The following TAFA2 variants were observed in gnomAD, a reference collection of about 807,000 sequenced individuals.
TAFA2 encodes the protein TAFA chemokine like family member 2.
A neutral mutation model predicts 18.8 loss-of-function variants in TAFA2; 7 were observed. The ratio of observed to expected loss-of-function variants is 0.37; its 90% CI spans 0.21 to 0.70. The LOEUF (loss-of-function observed/expected upper bound fraction) is 0.70, where lower values mean the gene tolerates loss of function less well. Among genes scored for constraint, TAFA2 ranks in the 30% least tolerant of loss-of-function variants. The pLI, the probability that TAFA2 is intolerant of heterozygous loss-of-function variation, is 0.53. For missense variants in TAFA2, 122 were observed against 158.1 expected (o/e 0.77, Z 1.23); for synonymous variants, 60 against 54.2 (o/e 1.11, Z -0.47).
chr12:61,927,518 A>G (rs1877354692), intron 1 of TAFA2, among the ~76,000 whole-genome samples: 1 of 152,166 alleles, frequency 6.6e-6, no homozygotes, highest in African/African-American at 2.4e-5. Flanking sequence ...GAGAAGACAC[A>G]AACAAATGGG....
At chr12:61,838,189 A>C (rs1468321663) in intron 2 of TAFA2, among the ~76,000 whole-genome samples, 2 of 151,968 alleles carry the variant, frequency 1.3e-5, no homozygotes, top group African/African-American at 4.8e-5. Context: ...AGGAGGAAAA[A>C]ATAAAATTGA....
At chr12:61,928,396 C>A (rs1032638519) in intron 1 of TAFA2, among the ~76,000 whole-genome samples, 1 of 151,818 alleles carries the variant, frequency 6.6e-6, no homozygotes, top group Non-Finnish European at 1.5e-5. Context: ...GTTTATGTGG[C>A]CAAAAAATGT....
chr12:61,949,786 T>G (rs956530409), intron 1 of TAFA2, among the ~76,000 whole-genome samples: 6 of 152,200 alleles, frequency 3.9e-5, no homozygotes, highest in African/African-American at 1.4e-4. Context: ...TAGGAAAACA[T>G]AAAATTTACT....
At chr12:61,716,862 C>T (rs986234010) in intron 4 of TAFA2, among the ~76,000 whole-genome samples, 2 of 152,248 alleles carry the variant, frequency 1.3e-5, no homozygotes, top group East Asian at 3.9e-4. Context: ...GGATTAAATG[C>T]AGTGCATGGT....
chr12:61,980,142 G>T (rs185739660), intron 1 of TAFA2, among the ~76,000 whole-genome samples: 1 of 152,060 alleles, frequency 6.6e-6, no homozygotes, highest in African/African-American at 2.4e-5. Flanking sequence ...TGCAAGGCTG[G>T]TTTAACATAT....
upstream of TAFA2, among the ~76,000 whole-genome samples, chr12:62,193,921 C>T (rs187217044): frequency 2.8e-3 from 428 of 152,288 alleles, 1 homozygote; most frequent in Non-Finnish European, 4.7e-3. Flanking sequence ...ATAGCTGAGA[C>T]TAGTTGAAAT....
intron 1 of TAFA2, among the ~76,000 whole-genome samples, chr12:62,225,350 T>C (rs2062781508): frequency 6.6e-6 from 1 of 152,140 alleles, no homozygotes; most frequent in African/African-American, 2.4e-5. Flanking sequence ...TTCCACCTTA[T>C]AACAATAAAA....
chr12:62,214,019 T>TA (rs1445487415), intron 1 of TAFA2, among the ~76,000 whole-genome samples: 1 of 152,184 alleles, frequency 6.6e-6, no homozygotes, highest in African/African-American at 2.4e-5. Flanking sequence ...TTTGGACTCT[T>TA]AGCCTTTTGG....
intron 1 of TAFA2, among the ~76,000 whole-genome samples, chr12:61,965,596 G>A (rs903164042): frequency 4.6e-5 from 7 of 151,902 alleles, no homozygotes; most frequent in Non-Finnish European, 8.8e-5. Flanking sequence ...CAATCAAGAA[G>A]CAAGGCAGCA....
chr12:61,855,436 C>A (rs1873843575), intron 2 of TAFA2, among the ~76,000 whole-genome samples: 1 of 152,252 alleles, frequency 6.6e-6, no homozygotes, highest in Admixed American at 6.5e-5. Context: ...TTAAGCTCTG[C>A]AGAAGAATCT....
intron 4 of TAFA2, among the ~76,000 whole-genome samples, chr12:61,745,235 C>G (rs1005761785): frequency 2.6e-4 from 40 of 152,080 alleles, no homozygotes; most frequent in African/African-American, 8.2e-4. Flanking sequence ...TCCCACAGTT[C>G]TCTCCATCTC....
chr12:62,007,920 G>C (rs1385958761), intron 1 of TAFA2, among the ~76,000 whole-genome samples: 1 of 129,826 alleles, frequency 7.7e-6, no homozygotes, highest in Non-Finnish European at 1.7e-5. Context: ...CTGTCCAAAA[G>C]AACATAAGAA....
chr12:61,822,855 A>C (rs1466673560), intron 2 of TAFA2, among the ~76,000 whole-genome samples: 1 of 152,226 alleles, frequency 6.6e-6, no homozygotes, highest in Non-Finnish European at 1.5e-5. Context: ...ATGTTGAAAG[A>C]AATACTAACA....
intron 1 of TAFA2, among the ~76,000 whole-genome samples, chr12:62,233,064 C>CTTTT (rs1565784732): frequency 3.8e-5 from 3 of 78,384 alleles, no homozygotes; most frequent in African/African-American, 1.7e-4. Flanking sequence ...ATTTCTGCAT[C>CTTTT]TCTTTTTTTT....
At chr12:61,726,683 T>C (rs1362975713) in intron 4 of TAFA2, among the ~76,000 whole-genome samples, 3 of 152,052 alleles carry the variant, frequency 2.0e-5, no homozygotes, top group Non-Finnish European at 4.4e-5. Context: ...CAGTGAACAG[T>C]GACAGTTTGA....
intron 1 of TAFA2, among the ~76,000 whole-genome samples, chr12:61,918,293 T>C (rs189944591): frequency 1.3e-5 from 2 of 152,168 alleles, no homozygotes; most frequent in Admixed American, 6.5e-5. Context: ...CCATCCCCCC[T>C]TTTCCCCACC....
chr12:61,831,323 G>A lies in TAFA2; in HGVS notation c.106+35997C>T, dbSNP rs372722516. On this transcript the variant is annotated intron_variant, in intron 2 of 4. Transcript: ENST00000416284. ...CAGGAAATTAAAATAATAGAAACAC[G>A]GAAAGTTGGAAAGAGATGGAAACTC... is the stretch of plus-strand genomic sequence containing the variant. 6.6e-5 allele frequency among the ~76,000 whole-genome samples: 10 copies of A among 151,986 alleles called. No individual in the cohort carries two copies. In the East Asian group the frequency reaches 9.7e-4, roughly 15 times the overall value.
At chr12:61,940,809 G>C (rs1451987630) in intron 1 of TAFA2, among the ~76,000 whole-genome samples, 3 of 152,172 alleles carry the variant, frequency 2.0e-5, no homozygotes, top group African/African-American at 7.2e-5. Context: ...AAAAGGAACA[G>C]TGAATGCCGC....
chr12:61,879,933 A>G, intron 1 of TAFA2: 1 of 894,514 alleles, frequency 1.1e-6, no homozygotes, highest in African/African-American at 1.6e-5. Context: ...GATGAAGCTT[A>G]CAAGAACAAG....
Sources: gnomAD v4.1 joint callset for allele counts (sites outside exome capture counted in the v4.1 genomes callset) on GRCh38, gnomAD v4.1.1 for gene constraint, MANE v1.5 for transcripts, NCBI Gene and HGNC (gene_info 2026-07-23, HGNC 2026-07-21) for gene names.